Variants in IRS1 observed in about 807,000 individuals in gnomAD.
The protein encoded by IRS1 is insulin receptor substrate 1.
In IRS1, 34 loss-of-function variants were observed where a neutral mutation model predicts 65.6. That is an observed-to-expected ratio of 0.52 (90% confidence interval 0.39 to 0.69). The LOEUF is 0.69. IRS1 is among the 30% of genes least tolerant of loss of function. The pLI, the probability that IRS1 is intolerant of heterozygous loss-of-function variation, is 0.00. For synonymous variants in IRS1, 699 were observed against 683.5 expected, an observed-to-expected ratio of 1.02 and a Z score of -0.35; for missense variants, 1,641 against 1,720.2, an observed-to-expected ratio of 0.95 and a Z score of 0.81.
At chr2:226,782,716 C>T (rs1188873978) in intron 1 of IRS1, among the ~76,000 whole-genome samples, 1 of 152,150 alleles carries the variant, frequency 6.6e-6, no homozygotes, top group Non-Finnish European at 1.5e-5. Context: ...AAGTGTAATC[C>T]TTGGTTGGGT....
intron 1 of IRS1, among the ~76,000 whole-genome samples, chr2:226,760,652 G>A (rs1938899668): frequency 1.3e-5 from 2 of 152,088 alleles, no homozygotes; most frequent in Admixed American, 1.3e-4. Flanking sequence ...CAAGTGCACA[G>A]CTGGTATAAA....
intron 1 of IRS1, among the ~76,000 whole-genome samples, chr2:226,742,069 C>A (rs1938450554): frequency 6.6e-6 from 1 of 152,102 alleles, no homozygotes. Context: ...TTCTCCTGGT[C>A]CAGCGCTATT....
chr2:226,747,555 G>C (rs946099690), intron 1 of IRS1, among the ~76,000 whole-genome samples: 1 of 152,108 alleles, frequency 6.6e-6, no homozygotes, highest in Non-Finnish European at 1.5e-5. Flanking sequence ...AATGTGTGTT[G>C]TTTAAGCCAC....
At chr2:226,759,940 C>T (rs1056662681) in intron 1 of IRS1, among the ~76,000 whole-genome samples, 9 of 152,194 alleles carry the variant, frequency 5.9e-5, no homozygotes, top group East Asian at 1.9e-4. Flanking sequence ...TTTGGGAGTG[C>T]GAGGCAGGCA....
chr2:226,798,833 A>G lies in IRS1; in HGVS notation c.-95T>C, dbSNP rs1314514419. ...TCCTCGCCGCGGCCCGGCACATGCA[A>G]ACAGGGCTGGAGGCAGCAGAAACCC... is the stretch of plus-strand genomic sequence containing the variant. On this transcript the variant is annotated 5_prime_UTR_variant, in exon 1 of 2. Transcript: ENST00000305123. This position sits in a 1 kb window ranked among gnomAD's most constrained non-coding sequence, Gnocchi z 9.4. 4 of 1,547,960 alleles carry G rather than the reference A, an allele frequency of 2.6e-6. No homozygotes were observed. In the African/African-American group the frequency reaches 5.5e-5, roughly 21 times the overall value.
At chr2:226,742,240 A>G (rs983841399) in intron 1 of IRS1, among the ~76,000 whole-genome samples, 3 of 152,244 alleles carry the variant, frequency 2.0e-5, no homozygotes, top group Non-Finnish European at 2.9e-5. Flanking sequence ...TGAATTCTCA[A>G]TTCTCAACTC....
intron 1 of IRS1, among the ~76,000 whole-genome samples, chr2:226,746,937 G>A (rs537321091): frequency 8.6e-5 from 13 of 151,778 alleles, no homozygotes; most frequent in Admixed American, 2.0e-4. Context: ...CTACAGGCAC[G>A]CACCACCATG....
intron 1 of IRS1, among the ~76,000 whole-genome samples, chr2:226,780,741 A>G (rs529017423): frequency 6.8e-6 from 1 of 147,774 alleles, no homozygotes; most frequent in South Asian, 2.2e-4. Context: ...ATTCAGTCAT[A>G]CCAGATTACA....
intron 1 of IRS1, among the ~76,000 whole-genome samples, chr2:226,786,600 C>T (rs1450528190): frequency 7.4e-6 from 1 of 134,438 alleles, no homozygotes; most frequent in Admixed American, 7.8e-5. Flanking sequence ...AAACTGGGGA[C>T]AAAGGTGGGA....
At chr2:226,760,434 A>C (rs1034324851) in intron 1 of IRS1, among the ~76,000 whole-genome samples, 21 of 152,210 alleles carry the variant, frequency 1.4e-4, no homozygotes, top group African/African-American at 4.1e-4. Flanking sequence ...TCAATACAAG[A>C]GGATCTCACA....
intron 1 of IRS1, among the ~76,000 whole-genome samples, chr2:226,750,180 C>T (rs942199501): frequency 4.9e-5 from 7 of 143,158 alleles, no homozygotes; most frequent in African/African-American, 1.8e-4. Flanking sequence ...ACCCAGGAGG[C>T]GGAGGTTGCA....
Position 226,796,687 on chromosome 2 carries a change from G to A in IRS1, c.2052C>T (p.Ser684=). 1.9e-6 allele frequency: 3 copies of A among 1,613,610 alleles called. No individual in the cohort carries two copies. Among genetic ancestry groups the A allele is most frequent in the Non-Finnish European group, 2.5e-6 (3 of 1,179,662 alleles). ...DIGGGPSSSS[S]SSNAVPSGTS... is the part of the protein sequence containing the mutation. ...TCCCGGAAGGGACGGCGTTGCTGCT[G>A]CTGCTGCTGCTGCTGGGGCCACCTC... The change falls in exon 1 of 2, where the codon AGC becomes AGT. Residue 684 remains serine, a synonymous_variant. Transcript: ENST00000305123.
chr2:226,781,865 TACACACACACACACAC>T (rs34695433), intron 1 of IRS1, among the ~76,000 whole-genome samples: 4 of 131,504 alleles, frequency 3.0e-5, no homozygotes, highest in African/African-American at 1.1e-4. Context: ...CACCCCTAAA[TACACACACACACACAC>T]ACACACACAC....
chr2:226,744,209 T>G (rs893813232), intron 1 of IRS1, among the ~76,000 whole-genome samples: 33 of 152,316 alleles, frequency 2.2e-4, no homozygotes, highest in African/African-American at 7.7e-4. Flanking sequence ...GTTTAATCTA[T>G]TTCCTACTCA....
At chr2:226,746,808 G>A (rs1385837670) in intron 1 of IRS1, among the ~76,000 whole-genome samples, 1 of 37,776 alleles carries the variant, frequency 2.6e-5, no homozygotes, top group Non-Finnish European at 5.1e-5. Flanking sequence ...TTTTTTTTTT[G>A]AGACAGAGTC....
In IRS1 at chr2:226,799,380, C is replaced by T. The variant is rs1939842603; in HGVS notation, c.-642G>A. On this transcript the variant is annotated 5_prime_UTR_variant, in exon 1 of 2. Coordinates refer to ENST00000305123, the MANE Select transcript of IRS1 (RefSeq NM_005544.3). The surrounding 1 kb of genome is among the most constrained non-coding windows in gnomAD (Gnocchi z 6.1). ...GCTGTTGCTGTTGCTGCTGCTGCTG[C>T]TGCTGCTGCTGCCGCCGCCCGCGGG... 7.9e-7 allele frequency: 1 copy of T among 1,268,436 alleles called. No individual in the cohort carries two copies. Among genetic ancestry groups the T allele is most frequent in the Non-Finnish European group, 1.0e-6 (1 of 973,148 alleles). 78.6% of individuals were successfully genotyped at this position (1,268,436 alleles called of 1,614,324 possible).
At position 226,754,474 on chromosome 2, in the gene IRS1, G is replaced by A. The variant is rs184644553; in HGVS notation, c.*22-18224C>T. Among the ~76,000 whole-genome samples the A allele has an allele frequency of 1.9e-3, 286 of 152,302 alleles. 3 individuals are homozygous for A. Among genetic ancestry groups the A allele is most frequent in the African/African-American group, 6.6e-3 (274 of 41,558 alleles). ...CATTTCATTCTCGCCACGATCCTGA[G>A]ACTGCATTATCATTCCTGTTTTAAA... On this transcript the variant is annotated intron_variant, in intron 1 of 1. Coordinates refer to ENST00000305123, the MANE Select transcript of IRS1 (RefSeq NM_005544.3).
chr2:226,790,799 T>G (rs1008135617), intron 1 of IRS1, among the ~76,000 whole-genome samples: 1 of 152,198 alleles, frequency 6.6e-6, no homozygotes, highest in Non-Finnish European at 1.5e-5. Flanking sequence ...TGAACACATT[T>G]TCCATCCCAT....
intron 1 of IRS1, among the ~76,000 whole-genome samples, chr2:226,748,428 CAA>C (rs748065097): frequency 1.8e-4 from 9 of 49,710 alleles, no homozygotes; most frequent in Non-Finnish European, 1.2e-4. Flanking sequence ...GACTCTGTCT[CAA>C]AAAAAAAAAA....
Sources: allele counts gnomAD v4.1 joint callset (sites outside exome capture counted in the v4.1 genomes callset), GRCh38; gene constraint gnomAD v4.1.1; non-coding constraint Gnocchi (gnomAD v3.1); transcripts MANE v1.5; gene names NCBI Gene and HGNC (gene_info 2026-07-23, HGNC 2026-07-21).